The following NEO1 variants were observed in gnomAD, a reference collection of about 807,000 sequenced individuals.
NEO1 encodes the protein neogenin 1.
Under a neutral mutation model 159.7 loss-of-function variants are expected in NEO1, and 63 were observed. The observed-to-expected ratio is 0.39, with a 90% CI of 0.32 to 0.49. The LOEUF (loss-of-function observed/expected upper bound fraction) is 0.49. Among genes scored for constraint, NEO1 ranks in the 20% least tolerant of loss-of-function variants. The probability of loss-of-function intolerance (pLI) is 0.85; values close to 1 mark genes in which losing one functional copy is unlikely to be tolerated. For synonymous variants in NEO1, 633 were observed against 662.0 expected (o/e 0.96, Z 0.67); for missense variants, 1,615 against 1,831.0 (o/e 0.88, Z 2.15).
intron 5 of NEO1, among the ~76,000 whole-genome samples, chr15:73,163,402 G>T (rs1015892507): frequency 2.0e-5 from 3 of 151,904 alleles, no homozygotes; most frequent in Non-Finnish European, 4.4e-5. Flanking sequence ...TTTCCTCAGA[G>T]GATGACTGTT....
intron 7 of NEO1, among the ~76,000 whole-genome samples, chr15:73,232,095 T>A (rs2150828807): frequency 6.6e-6 from 1 of 152,348 alleles, no homozygotes; most frequent in South Asian, 2.1e-4. Flanking sequence ...TGAGTCACAC[T>A]TTATTTCTTT....
At chr15:73,074,448 T>G (rs2068676338) in intron 1 of NEO1, among the ~76,000 whole-genome samples, 1 of 152,198 alleles carries the variant, frequency 6.6e-6, no homozygotes, top group Non-Finnish European at 1.5e-5. Flanking sequence ...TGTACATAAA[T>G]TAATGGCTAA....
Position 73,116,925 on chromosome 15 carries a change from T to C in NEO1, c.448+68T>C, listed in dbSNP as rs990090589. 8 of 1,273,838 alleles carry C rather than the reference T, an allele frequency of 6.3e-6. No individual in the cohort carries two copies. The African/African-American group carries it at 1.2e-4, about 19-fold the overall frequency. The allele number at this position is 1,273,838 out of a possible 1,614,324, so 78.9% of individuals were successfully genotyped here. On this transcript the variant is annotated intron_variant, in intron 2 of 28. Coordinates refer to ENST00000261908, the MANE Select transcript of NEO1 (RefSeq NM_002499.4). ...ATAACATACATCTTGATAAAAGCAC[T>C]GTTCTCTTGGAGTTTTCTTTTAATT... is the stretch of plus-strand genomic sequence containing the variant.
At chr15:73,082,354 G>A (rs28676873) in intron 1 of NEO1, among the ~76,000 whole-genome samples, 20,223 of 151,878 alleles carry the variant, frequency 0.13, 2,084 homozygotes, top group African/African-American at 0.28. Context: ...TCTGTCTACC[G>A]CATCGTAATA....
At chr15:73,181,741 C>T (rs757337550) in intron 7 of NEO1, among the ~76,000 whole-genome samples, 6 of 152,148 alleles carry the variant, frequency 3.9e-5, no homozygotes, top group Non-Finnish European at 5.9e-5. Flanking sequence ...CCCCAGGTTC[C>T]ACCTCCAACA....
At chr15:73,274,651 C>G (rs190990254) in intron 20 of NEO1, 41 bp from the exon 21 acceptor site, 269 of 1,608,634 alleles carry the variant, frequency 1.7e-4, no homozygotes, top group Non-Finnish European at 9.2e-5. Flanking sequence ...AGCTTGTGAT[C>G]CTTGCTCTTG....
intron 9 of NEO1, 91 bp downstream of exon 9, chr15:73,244,589 G>C: frequency 1.5e-6 from 2 of 1,344,870 alleles, no homozygotes; most frequent in Non-Finnish European, 2.0e-6. Context: ...TAGGGGAGCA[G>C]AAGATAACAG....
At chr15:73,122,280 C>G (rs2071712293) in intron 2 of NEO1, among the ~76,000 whole-genome samples, 1 of 151,216 alleles carries the variant, frequency 6.6e-6, no homozygotes, top group African/African-American at 2.4e-5. Flanking sequence ...CTTATTCTAC[C>G]CATCTCCTTT....
intron 7 of NEO1, among the ~76,000 whole-genome samples, chr15:73,224,372 G>A (rs574033582): frequency 2.0e-5 from 3 of 152,344 alleles, no homozygotes; most frequent in African/African-American, 7.2e-5. Flanking sequence ...TAAGGCCAAA[G>A]AAGTTTCCCT....
At chr15:73,096,343 T>G (rs974505021) in intron 1 of NEO1, among the ~76,000 whole-genome samples, 1 of 152,214 alleles carries the variant, frequency 6.6e-6, no homozygotes, top group African/African-American at 2.4e-5. Flanking sequence ...ATGGAAATTT[T>G]AGACAAGTGG....
intron 5 of NEO1, chr15:73,163,063 T>C (rs1473128712): frequency 6.6e-6 from 1 of 152,236 alleles, no homozygotes; most frequent in Non-Finnish European, 1.5e-5. Flanking sequence ...TAAAATTACA[T>C]ATTTTTCTTC....
intron 1 of NEO1, among the ~76,000 whole-genome samples, chr15:73,083,011 G>T (rs1455984235): frequency 6.6e-6 from 1 of 152,160 alleles, no homozygotes; most frequent in Non-Finnish European, 1.5e-5. Flanking sequence ...ATAACAGAGT[G>T]CCTGGAATGT....
chr15:73,262,534 C>G (rs1237806637), intron 15 of NEO1, among the ~76,000 whole-genome samples: 1 of 152,026 alleles, frequency 6.6e-6, no homozygotes, highest in Non-Finnish European at 1.5e-5. Flanking sequence ...TCAGAAAATG[C>G]AAATTAAACC....
In NEO1 at chr15:73,138,859, G is replaced by T. The variant is rs761115562; in HGVS notation, c.1015+2832G>T. ...CTATAGAGTGGTGGGGTTTATGTCC[G>T]TTGCTCTTGAATCTAGGCAGGCTTG... is the stretch of plus-strand genomic sequence containing the variant. On this transcript the variant is annotated intron_variant, in intron 5 of 28. Coordinates refer to ENST00000261908, the MANE Select transcript of NEO1 (RefSeq NM_002499.4). 7.2e-5 allele frequency among the ~76,000 whole-genome samples: 11 copies of T among 152,232 alleles called. No homozygotes were observed. The South Asian group carries it at 2.3e-3, about 32-fold the overall frequency.
chr15:73,070,471 G>T (rs1284163205), intron 1 of NEO1, among the ~76,000 whole-genome samples: 1 of 152,172 alleles, frequency 6.6e-6, no homozygotes, highest in African/African-American at 2.4e-5. Flanking sequence ...AGGAGCATTT[G>T]TTATGTATCA....
intron 7 of NEO1, among the ~76,000 whole-genome samples, chr15:73,228,359 A>G (rs1035433309): frequency 4.8e-5 from 7 of 145,232 alleles, no homozygotes; most frequent in African/African-American, 7.6e-5. Context: ...TGCTTATTCT[A>G]TGTTTTCTTT....
intron 1 of NEO1, among the ~76,000 whole-genome samples, chr15:73,090,375 A>G (rs927183246): frequency 1.2e-4 from 19 of 152,054 alleles, no homozygotes; most frequent in Non-Finnish European, 2.2e-4. Flanking sequence ...TGCATTTAAA[A>G]AAGTAAAATC....
intron 7 of NEO1, among the ~76,000 whole-genome samples, chr15:73,190,321 G>A (rs937590322): frequency 4.6e-5 from 7 of 152,064 alleles, no homozygotes; most frequent in African/African-American, 9.7e-5. Flanking sequence ...TTCATACCAC[G>A]TCTGATAATT....
intron 8 of NEO1, among the ~76,000 whole-genome samples, chr15:73,237,922 G>T (rs534572590): frequency 6.6e-6 from 1 of 152,290 alleles, no homozygotes; most frequent in African/African-American, 2.4e-5. Flanking sequence ...TACCAGAAAT[G>T]CATTTTCCTC....
Sources: gnomAD v4.1 joint callset for allele counts (sites outside exome capture counted in the v4.1 genomes callset) on GRCh38, gnomAD v4.1.1 for gene constraint, MANE v1.5 for transcripts, NCBI Gene and HGNC (gene_info 2026-07-23, HGNC 2026-07-21) for gene names.